UBE2E3: variants seen among roughly 807,000 people sequenced by gnomAD.
UBE2E3 encodes ubiquitin-conjugating enzyme E2 E3.
In UBE2E3, 5 loss-of-function variants were observed where a neutral mutation model predicts 23.6. The observed-to-expected ratio is 0.21, with a 90% CI of 0.11 to 0.44. The LOEUF (loss-of-function observed/expected upper bound fraction) is 0.44. Ranked by LOEUF, UBE2E3 falls within the 20% of genes least tolerant of loss-of-function variation. UBE2E3 has a pLI of 0.99. For missense variants in UBE2E3, 81 were observed against 249.8 expected (o/e 0.32, Z 4.55); for synonymous variants, 78 against 87.5 (o/e 0.89, Z 0.60).
chr2:180,990,011 A>C (rs966850042), intron 3 of UBE2E3: 1 of 1,503,126 alleles, frequency 6.7e-7, no homozygotes, highest in Non-Finnish European at 9.0e-7. Flanking sequence ...ATCTAGAGAA[A>C]TAGAAAGTGA....
chr2:181,061,022 G>A (rs1180722277), intron 5 of UBE2E3, among the ~76,000 whole-genome samples: 2 of 150,654 alleles, frequency 1.3e-5, no homozygotes, highest in Admixed American at 1.3e-4. Flanking sequence ...CATTTAATTT[G>A]TTAATGGCAT....
intron 3 of UBE2E3, among the ~76,000 whole-genome samples, chr2:181,030,822 A>AT (rs1400973941): frequency 6.6e-6 from 1 of 151,654 alleles, no homozygotes; most frequent in African/African-American, 2.4e-5. Context: ...TAGAGCATTT[A>AT]TTTTTTTCAT....
At chr2:180,991,865 G>A (rs947458486) in intron 3 of UBE2E3, among the ~76,000 whole-genome samples, 1 of 152,144 alleles carries the variant, frequency 6.6e-6, no homozygotes. Context: ...GTGCTACTTA[G>A]AATGAGGTAC....
At chr2:180,988,813 C>A (rs1364916352) in intron 3 of UBE2E3, among the ~76,000 whole-genome samples, 1 of 151,960 alleles carries the variant, frequency 6.6e-6, no homozygotes, top group Non-Finnish European at 1.5e-5. Flanking sequence ...ACTGCTTTTT[C>A]TTCTTTACTT....
Position 180,989,478 on chromosome 2 carries a change from A to G in UBE2E3, c.245+5385A>G, listed in dbSNP as rs1415988357. 2.0e-5 allele frequency among the ~76,000 whole-genome samples: 3 copies of G among 152,138 alleles called. No homozygotes were observed. In the East Asian group the frequency reaches 5.8e-4, roughly 29 times the overall value. On this transcript the variant is annotated intron_variant, in intron 3 of 5. Coordinates refer to ENST00000410062, the MANE Select transcript of UBE2E3 (RefSeq NM_006357.4). ...ATTCTTTACCTTTTTCATAATTATG[A>G]TACTTAATATTTAATAACCTATTCA...
Position 181,022,756 on chromosome 2 carries a change from A to G in UBE2E3, c.246-34937A>G, listed in dbSNP as rs1044806595. 6.6e-5 allele frequency among the ~76,000 whole-genome samples: 10 copies of G among 152,208 alleles called. No homozygotes were observed. The East Asian group carries it at 1.9e-3, about 29-fold the overall frequency. ...ACAAAAAACAAAAAAAAAACCCCAC[A>G]GGTTTACAGAAAGAGAGCTGAAACA... On this transcript the variant is annotated intron_variant, in intron 3 of 5. Transcript: ENST00000410062.
chr2:180,998,520 A>G lies in UBE2E3; in HGVS notation c.245+14427A>G, dbSNP rs572825232. Among the ~76,000 whole-genome samples, 45 of 152,248 alleles carry G rather than the reference A, an allele frequency of 3.0e-4. No individual in the cohort carries two copies. The Middle Eastern group carries it at 0.01, about 35-fold the overall frequency. On this transcript the variant is annotated intron_variant, in intron 3 of 5. Transcript: ENST00000410062. Reference sequence around the variant, plus strand: ...TCCTCTGTGATGCTATGGAAGAACAATTAAGATCATGTTTCCTACTTGATT... The same window carrying G: ...TCCTCTGTGATGCTATGGAAGAACAGTTAAGATCATGTTTCCTACTTGATT...
At chr2:181,002,529 A>C (rs2105593947) in intron 3 of UBE2E3, among the ~76,000 whole-genome samples, 1 of 152,340 alleles carries the variant, frequency 6.6e-6, no homozygotes, top group African/African-American at 2.4e-5. Flanking sequence ...TCCAATAAAA[A>C]TGTAATGCAT....
chr2:180,997,948 T>G (rs1559115465), intron 3 of UBE2E3, among the ~76,000 whole-genome samples: 2 of 152,312 alleles, frequency 1.3e-5, no homozygotes, highest in East Asian at 3.9e-4. Context: ...CCTCTTGTCA[T>G]GTACCCTTTC....
At chr2:181,038,265 A>T (rs761486126) in intron 3 of UBE2E3, among the ~76,000 whole-genome samples, 7 of 152,184 alleles carry the variant, frequency 4.6e-5, no homozygotes, top group Non-Finnish European at 1.0e-4. Context: ...TGCCTACAGT[A>T]TTCTATATAA....
intron 3 of UBE2E3, among the ~76,000 whole-genome samples, chr2:180,985,514 AAT>A (rs1684434624): frequency 6.6e-6 from 1 of 152,154 alleles, no homozygotes; most frequent in African/African-American, 2.4e-5. Flanking sequence ...TTACTATGTT[AAT>A]ATGTTATTAG....
intron 3 of UBE2E3, among the ~76,000 whole-genome samples, chr2:181,047,525 G>T (rs112076402): frequency 2.8e-4 from 42 of 152,076 alleles, no homozygotes; most frequent in African/African-American, 9.4e-4. Flanking sequence ...TTAGTTAATG[G>T]CATATACATT....
intron 3 of UBE2E3, among the ~76,000 whole-genome samples, chr2:181,013,238 C>G (rs534419330): frequency 6.6e-6 from 1 of 152,082 alleles, no homozygotes; most frequent in East Asian, 1.9e-4. Context: ...AACAAATTAC[C>G]CCACAATTTA....
intron 3 of UBE2E3, among the ~76,000 whole-genome samples, chr2:181,009,971 T>C (rs1184570926): frequency 2.0e-5 from 3 of 152,176 alleles, no homozygotes; most frequent in African/African-American, 7.2e-5. Flanking sequence ...TCAAGTGTAT[T>C]TGTATTTTGA....
intron 3 of UBE2E3, among the ~76,000 whole-genome samples, chr2:180,993,737 G>T (rs2105579873): frequency 6.6e-6 from 1 of 152,240 alleles, no homozygotes; most frequent in Non-Finnish European, 1.5e-5. Flanking sequence ...AGTAGGTCAA[G>T]AATCCATTTA....
intron 3 of UBE2E3, among the ~76,000 whole-genome samples, chr2:181,000,577 CAG>C (rs1437201133): frequency 2.8e-5 from 4 of 141,250 alleles, no homozygotes; most frequent in African/African-American, 1.1e-4. Context: ...TTTTTTGAGA[CAG>C]AGTCTCGCTC....
At chr2:181,034,439 A>G (rs578144304) in intron 3 of UBE2E3, among the ~76,000 whole-genome samples, 2 of 152,176 alleles carry the variant, frequency 1.3e-5, no homozygotes, top group Non-Finnish European at 2.9e-5. Flanking sequence ...AGAAAACCAA[A>G]CACCACAGGT....
At chr2:180,987,241 G>A (rs1684504535) in intron 3 of UBE2E3, 1 of 1,335,836 alleles carries the variant, frequency 7.5e-7, no homozygotes, top group East Asian at 2.5e-5. Flanking sequence ...GGGAAATTGT[G>A]TTATGGGCAT....
At position 181,034,717 on chromosome 2, in the gene UBE2E3, G is replaced by A. The variant is rs144095472; in HGVS notation, c.246-22976G>A. 4.6e-3 allele frequency among the ~76,000 whole-genome samples: 695 copies of A among 152,142 alleles called. 6 individuals are homozygous for A. The highest frequency in any genetic ancestry group is 0.016 in the African/African-American group (652 of 41,522). ...GAAATTTCCTGGAACTAGCATGTCA[G>A]AATACCATTTTATGTCCAGCTTAAA... On this transcript the variant is annotated intron_variant, in intron 3 of 5. Transcript: ENST00000410062.
Sources: allele counts gnomAD v4.1 joint callset (sites outside exome capture counted in the v4.1 genomes callset), GRCh38; gene constraint gnomAD v4.1.1; transcripts MANE v1.5; gene names NCBI Gene and HGNC (gene_info 2026-07-23, HGNC 2026-07-21).